TENM2: variants seen among roughly 807,000 people sequenced by gnomAD.
The protein encoded by TENM2 is teneurin-2.
TENM2 carries 52 observed loss-of-function variants against 245.2 expected under a neutral mutation model. The ratio of observed to expected loss-of-function variants is 0.21; its 90% CI spans 0.17 to 0.27. The LOEUF (loss-of-function observed/expected upper bound fraction) is 0.27. Ranked by LOEUF, TENM2 falls within the 10% of genes least tolerant of loss-of-function variation. The pLI, the probability that TENM2 is intolerant of heterozygous loss-of-function variation, is 1.00. For synonymous variants in TENM2, 1,363 were observed against 1,438.9 expected, an observed-to-expected ratio of 0.95 and a Z score of 1.19; for missense variants, 3,046 against 3,666.8, an observed-to-expected ratio of 0.83 and a Z score of 4.37.
chr5:168,022,378 A>T (rs1264848176), intron 5 of TENM2, among the ~76,000 whole-genome samples: 21 of 152,236 alleles, frequency 1.4e-4, no homozygotes, highest in Admixed American at 1.3e-3. Context: ...TTTTGTCCCA[A>T]GGCTTCTTAA....
At chr5:168,220,215 C>G (rs1463882431) in intron 23 of TENM2, among the ~76,000 whole-genome samples, 1 of 152,158 alleles carries the variant, frequency 6.6e-6, no homozygotes, top group Non-Finnish European at 1.5e-5. Context: ...CCAAACACCT[C>G]CGAGATTTTC....
At chr5:167,088,209 G>C in the TENM2 span, among the ~76,000 whole-genome samples, 1 of 152,140 alleles carries the variant, frequency 6.6e-6, no homozygotes, top group Admixed American at 6.5e-5. Context: ...AGATAATAAA[G>C]TCATCCAAAG....
intron 2 of TENM2, among the ~76,000 whole-genome samples, chr5:167,418,078 C>T (rs1231269655): frequency 6.6e-6 from 1 of 152,100 alleles, no homozygotes; most frequent in Non-Finnish European, 1.5e-5. Context: ...GCCTGTAATC[C>T]CAGCACTTTG....
intron 2 of TENM2, among the ~76,000 whole-genome samples, chr5:167,481,944 A>G (rs905814213): frequency 5.3e-5 from 8 of 152,240 alleles, no homozygotes; most frequent in Admixed American, 5.2e-4. Flanking sequence ...AAAGTCTGAA[A>G]TATTTCCTAT....
chr5:167,471,131 G>A (rs571831178), intron 2 of TENM2, among the ~76,000 whole-genome samples: 3 of 152,198 alleles, frequency 2.0e-5, no homozygotes, highest in Non-Finnish European at 4.4e-5. Context: ...TAGAAAGCAA[G>A]TAATCTATAT....
chr5:167,184,029 G>A, the TENM2 span, among the ~76,000 whole-genome samples: 22 of 152,150 alleles, frequency 1.4e-4, no homozygotes, highest in African/African-American at 3.9e-4. Flanking sequence ...GAAAACATAC[G>A]TTATTTTTAG....
At chr5:167,413,162 T>C (rs535759630) in intron 2 of TENM2, among the ~76,000 whole-genome samples, 1 of 152,280 alleles carries the variant, frequency 6.6e-6, no homozygotes, top group East Asian at 1.9e-4. Flanking sequence ...TGATCATCAG[T>C]ATTAATTCAA....
intron 2 of TENM2, among the ~76,000 whole-genome samples, chr5:167,421,777 G>A (rs886943303): frequency 6.6e-6 from 1 of 151,984 alleles, no homozygotes; most frequent in African/African-American, 2.4e-5. Context: ...ACACTATTTT[G>A]TTGGTAGTAT....
intron 23 of TENM2, among the ~76,000 whole-genome samples, chr5:168,219,823 G>GAAAAAAAAA (rs1763503447): frequency 6.6e-5 from 1 of 15,252 alleles, no homozygotes; most frequent in African/African-American, 6.2e-4. Flanking sequence ...AGTTGGCACA[G>GAAAAAAAAA]CAAAAAAAAA....
intron 2 of TENM2, among the ~76,000 whole-genome samples, chr5:167,834,568 A>G: frequency 6.6e-6 from 1 of 152,206 alleles, no homozygotes; most frequent in East Asian, 1.9e-4. Context: ...TCCATGAAAG[A>G]AAGAAAGACA....
intron 5 of TENM2, among the ~76,000 whole-genome samples, chr5:168,019,731 G>T (rs898191622): frequency 6.6e-6 from 1 of 152,188 alleles, no homozygotes; most frequent in Non-Finnish European, 1.5e-5. Flanking sequence ...TGGGACAAAA[G>T]ATGCACTTCC....
the TENM2 span, among the ~76,000 whole-genome samples, chr5:167,264,791 C>CT: frequency 6.6e-6 from 1 of 152,128 alleles, no homozygotes; most frequent in East Asian, 1.9e-4. Context: ...ACTTTACACA[C>CT]TTCGGGCATT....
At chr5:167,490,068 A>T (rs1768329856) in intron 2 of TENM2, among the ~76,000 whole-genome samples, 2 of 152,154 alleles carry the variant, frequency 1.3e-5, no homozygotes, top group African/African-American at 4.8e-5. Context: ...CAAGAGGTAA[A>T]TTTGAACCAA....
intron 19 of TENM2, among the ~76,000 whole-genome samples, chr5:168,204,826 C>T (rs1384648924): frequency 5.9e-5 from 9 of 152,210 alleles, no homozygotes; most frequent in Non-Finnish European, 1.3e-4. Context: ...ATACAATAGT[C>T]AACAACTGAC....
chr5:167,265,266 A>T, the TENM2 span, among the ~76,000 whole-genome samples: 1 of 130,444 alleles, frequency 7.7e-6, no homozygotes, highest in African/African-American at 2.9e-5. Context: ...CAGGAGGTGG[A>T]GGTTTCAGTA....
intron 25 of TENM2, among the ~76,000 whole-genome samples, chr5:168,239,772 T>C (rs1765921558): frequency 6.6e-6 from 1 of 152,206 alleles, no homozygotes; most frequent in Non-Finnish European, 1.5e-5. Context: ...TGCACACATA[T>C]GTACATCTAT....
chr5:167,188,967 G>A, the TENM2 span, among the ~76,000 whole-genome samples: 38 of 152,170 alleles, frequency 2.5e-4, no homozygotes, highest in Admixed American at 1.6e-3. Context: ...GGTCCGTGAT[G>A]TTTTTGTTCC....
At chr5:167,439,074 A>C (rs1013793332) in intron 2 of TENM2, among the ~76,000 whole-genome samples, 5 of 152,192 alleles carry the variant, frequency 3.3e-5, no homozygotes, top group African/African-American at 1.2e-4. Context: ...GATTACAGGC[A>C]TGAGCCGCCG....
chr5:168,251,809 G>C (rs760661838), intron 27 of TENM2, among the ~76,000 whole-genome samples: 1 of 152,208 alleles, frequency 6.6e-6, no homozygotes. Flanking sequence ...CTCTCTGAAT[G>C]CAAGTGGCAG....
Sources: allele counts gnomAD v4.1 joint callset (sites outside exome capture counted in the v4.1 genomes callset), GRCh38; gene constraint gnomAD v4.1.1; transcripts MANE v1.5; gene names NCBI Gene and HGNC (gene_info 2026-07-23, HGNC 2026-07-21).